Variants in ATE1 observed in about 807,000 individuals in gnomAD.
ATE1 encodes the protein arginyl-tRNA--protein transferase 1.
A neutral mutation model predicts 70.5 loss-of-function variants in ATE1; 36 were observed. The observed-to-expected ratio is 0.51, with a 90% confidence interval of 0.39 to 0.67. ATE1 has a LOEUF of 0.67. Among genes scored for constraint, ATE1 ranks in the 30% least tolerant of loss-of-function variants. The pLI, the probability that ATE1 is intolerant of heterozygous loss-of-function variation, is 0.00. For missense variants in ATE1, 593 were observed against 629.5 expected (o/e 0.94, Z 0.62); for synonymous variants, 232 against 219.3 (o/e 1.06, Z -0.51).
chr10:121,865,778 G>A (rs1306133344), intron 8 of ATE1, among the ~76,000 whole-genome samples: 2 of 152,110 alleles, frequency 1.3e-5, no homozygotes, highest in African/African-American at 4.8e-5. Context: ...GCCCCACAGA[G>A]GGAAGTAACT....
chr10:121,863,160 C>T (rs1378415856), intron 8 of ATE1, among the ~76,000 whole-genome samples: 3 of 151,800 alleles, frequency 2.0e-5, no homozygotes, highest in Admixed American at 6.6e-5. Context: ...TTAAGTGGAT[C>T]GCATTTCAAA....
In ATE1 at chr10:121,870,558, C is replaced by T. The variant is rs75731932; in HGVS notation, c.943-520G>A. On this transcript the variant is annotated intron_variant, in intron 7 of 11. Transcript: ENST00000224652. ...GTTTTAGCTCCACAATTTGGCATCTCATCTGTGGTCTTTACCATGTTCTGA... is the reference window on the plus strand; with the variant it reads ...GTTTTAGCTCCACAATTTGGCATCTTATCTGTGGTCTTTACCATGTTCTGA... Among the ~76,000 whole-genome samples the T allele has an allele frequency of 6.9e-3, 1,044 of 152,278 alleles. 18 individuals carry two copies. Among genetic ancestry groups the T allele is most frequent in the African/African-American group, 0.024 (1,003 of 41,554 alleles).
At chr10:121,898,782 A>T in intron 7 of ATE1, 1 of 1,577,614 alleles carries the variant, frequency 6.3e-7, no homozygotes. Context: ...AGAAAATGGT[A>T]TATATTATAC....
rs138401362 is a variant in ATE1, at chr10:121,789,836, A to T, written c.1378+333T>A. Reference sequence around the variant, plus strand: ...CCATCTTCTCTACATTGACTAAATAATCCATCTAGCAGACAATTTTTAGGC... The same window carrying T: ...CCATCTTCTCTACATTGACTAAATATTCCATCTAGCAGACAATTTTTAGGC... On this transcript the variant is annotated intron_variant, in intron 11 of 11. Transcript: ENST00000224652. 2.6e-5 allele frequency among the ~76,000 whole-genome samples: 4 copies of T among 152,302 alleles called. No homozygotes were observed. In the East Asian group the frequency reaches 7.7e-4, roughly 29 times the overall value.
chr10:121,819,699 A>AAAAAAAAAAAC, intron 10 of ATE1, among the ~76,000 whole-genome samples: 1 of 150,328 alleles, frequency 6.7e-6, no homozygotes, highest in African/African-American at 2.4e-5. Flanking sequence ...AAAAAAAAAA[A>AAAAAAAAAAAC]AAGACTACAC....
rs1323128670 is a variant in ATE1, at chr10:121,899,888, G to T, written c.920C>A (p.Pro307His). 2 of 1,612,552 alleles carry T rather than the reference G, an allele frequency of 1.2e-6. No homozygotes were observed. Among genetic ancestry groups the T allele is most frequent in the East Asian group, 2.2e-5 (1 of 44,852 alleles). The change falls in exon 7 of 12, where the codon CCT becomes CAT. Residue 307 changes from proline (P) to histidine (H), a missense_variant. By Grantham distance (77) the Pro-to-His change is moderately conservative. Around this residue, in one of 3 missense-constraint regions of ATE1, gnomAD observed 467 missense variants for 469.6 expected, o/e 0.99. Transcript: ENST00000224652. ...RYQMVIHKNP[P>H]DTPTESQFTR... is the part of the protein sequence containing the mutation. ...GACCTGGCTTTCGGTTGGCGTATCA[G>T]GTGGGTTCTTGTGAATAACCATCTG...
intron 10 of ATE1, among the ~76,000 whole-genome samples, chr10:121,800,470 G>T (rs1310097035): frequency 5.9e-5 from 9 of 152,146 alleles, no homozygotes; most frequent in South Asian, 2.1e-4. Flanking sequence ...CTGCACCAAA[G>T]ATCTTTATGA....
chr10:121,812,539 AAATTCAC>A (rs1158155462), intron 10 of ATE1, among the ~76,000 whole-genome samples: 52 of 152,316 alleles, frequency 3.4e-4, no homozygotes, highest in African/African-American at 1.2e-3. Context: ...TCCTCCCTCG[AAATTCAC>A]AGAAGTGCAG....
intron 11 of ATE1, among the ~76,000 whole-genome samples, chr10:121,783,200 TA>T (rs11298919): frequency 0.94 from 143,655 of 152,174 alleles, 68,044 homozygotes; most frequent in Non-Finnish European, 0.98. Context: ...TATCTGTTCC[TA>T]AGATCAGCAT....
At chr10:121,917,276 G>A (rs975146352) in intron 3 of ATE1, among the ~76,000 whole-genome samples, 1 of 152,092 alleles carries the variant, frequency 6.6e-6, no homozygotes, top group Non-Finnish European at 1.5e-5. Flanking sequence ...AGATAAAAGC[G>A]ATCATAGCAC....
chr10:121,885,260 CAAAA>C (rs1212899309), intron 7 of ATE1, among the ~76,000 whole-genome samples: 1 of 33,370 alleles, frequency 3.0e-5, no homozygotes, highest in Admixed American at 3.5e-4. Flanking sequence ...GACTCCGTCT[CAAAA>C]AAAAAAAAAA....
At chr10:121,858,822 G>A (rs765162426) in intron 8 of ATE1, among the ~76,000 whole-genome samples, 7 of 151,788 alleles carry the variant, frequency 4.6e-5, no homozygotes, top group Admixed American at 3.3e-4. Flanking sequence ...AGGGCCGGGC[G>A]CGGTGGCTCA....
chr10:121,776,420 G>A (rs1945743741), intron 11 of ATE1, among the ~76,000 whole-genome samples: 1 of 152,210 alleles, frequency 6.6e-6, no homozygotes, highest in African/African-American at 2.4e-5. Flanking sequence ...GATGAAATAA[G>A]ATGATACATG....
chr10:121,747,276 T>C (rs1944408354), intron 11 of ATE1, among the ~76,000 whole-genome samples: 1 of 152,194 alleles, frequency 6.6e-6, no homozygotes, highest in Admixed American at 6.5e-5. Context: ...CTTCTCAATA[T>C]TGCTGTTTCA....
At chr10:121,850,340 C>T (rs1949007679) in intron 8 of ATE1, among the ~76,000 whole-genome samples, 1 of 152,160 alleles carries the variant, frequency 6.6e-6, no homozygotes, top group Non-Finnish European at 1.5e-5. Flanking sequence ...TCCTCTACCA[C>T]CCCACCCCAA....
At chr10:121,745,316 AT>A (rs2135655483) in intron 11 of ATE1, among the ~76,000 whole-genome samples, 1 of 152,284 alleles carries the variant, frequency 6.6e-6, no homozygotes, top group African/African-American at 2.4e-5. Context: ...ACCACCTGAG[AT>A]TTTGAAAAAT....
intron 7 of ATE1, among the ~76,000 whole-genome samples, chr10:121,879,090 T>C (rs1950149782): frequency 6.6e-6 from 1 of 152,140 alleles, no homozygotes; most frequent in Admixed American, 6.5e-5. Flanking sequence ...AAAATTCAGC[T>C]AACAAATGGC....
chr10:121,900,064 G>A (rs1950921419), intron 6 of ATE1, 70 bp from the exon 7 acceptor site: 15 of 1,498,886 alleles, frequency 1.0e-5, no homozygotes, highest in Non-Finnish European at 1.3e-5. Flanking sequence ...TATGCATTAA[G>A]AGTAACTCCC....
chr10:121,806,885 T>G (rs1203054834), intron 10 of ATE1, among the ~76,000 whole-genome samples: 1 of 152,198 alleles, frequency 6.6e-6, no homozygotes, highest in Non-Finnish European at 1.5e-5. Context: ...TTTTTAAAAT[T>G]TAGGAGAAAA....
Sources: gnomAD v4.1 joint callset for allele counts (sites outside exome capture counted in the v4.1 genomes callset) on GRCh38, gnomAD v4.1.1 for gene constraint, gnomAD v4.1.1 regional missense constraint, MANE v1.5 for transcripts, NCBI Gene and HGNC (gene_info 2026-07-23, HGNC 2026-07-21) for gene names.